Variants in ABR observed in about 807,000 individuals in gnomAD.
ABR encodes ABR activator of RhoGEF and GTPase, also known as active breakpoint cluster region-related protein.
ABR carries 35 observed loss-of-function variants against 107.2 expected under a neutral mutation model. That is an observed-to-expected ratio of 0.33 (90% confidence interval 0.25 to 0.43). ABR has a LOEUF of 0.43. Among genes scored for constraint, ABR ranks in the 20% least tolerant of loss-of-function variants. The pLI, the probability that ABR is intolerant of heterozygous loss-of-function variation, is 1.00. For synonymous variants in ABR, 498 were observed against 462.0 expected (o/e 1.08, Z -1.00); for missense variants, 815 against 1,115.2 (o/e 0.73, Z 3.83).
chr17:1,072,694 G>T lies in ABR; in HGVS notation c.814C>A (p.Arg272Ser), dbSNP rs1296203288. 6.2e-7 allele frequency: 1 copy of T among 1,613,724 alleles called. No homozygotes were observed. Among genetic ancestry groups the T allele is most frequent in the Non-Finnish European group, 8.5e-7 (1 of 1,179,856 alleles). ...PDYPLLQDAL[R>S]ISQNFLSSIN... ...CTGGACAGGAAGTTCTGGGAGATGC[G>T]GAGGGCATCCTGCAGCAGCGGGTAG... is the stretch of plus-strand genomic sequence containing the variant. Residue 272 changes from arginine (R) to serine (S), a missense_variant, in exon 8 of 23, where the codon CGC becomes AGC. By Grantham distance (110) the Arg-to-Ser change is moderately radical. Transcript: ENST00000302538.
intron 10 of ABR, among the ~76,000 whole-genome samples, chr17:1,059,730 T>C (rs560024346): frequency 6.6e-6 from 1 of 152,362 alleles, no homozygotes; most frequent in East Asian, 1.9e-4. Context: ...ACCACCATTA[T>C]GCTTCAAGTC....
At chr17:1,152,702 T>G (rs1214351435) in intron 1 of ABR, among the ~76,000 whole-genome samples, 1 of 151,972 alleles carries the variant, frequency 6.6e-6, no homozygotes, top group Non-Finnish European at 1.5e-5. Context: ...AGGCAAAAGA[T>G]GAGAGAGGAG....
Position 1,012,002 on chromosome 17 carries a change from G to C in ABR, c.1962-17C>G, listed in dbSNP as rs2070602289. ...CGCTCCCGCCTGGGGTGGAGCGTGA[G>C]GATGGGTGGAGGGCAGCCCCCACGA... On this transcript the variant is annotated splice_polypyrimidine_tract_variant and intron_variant, in intron 18 of 22. Transcript: ENST00000302538. 2 of 1,611,174 alleles carry C rather than the reference G, an allele frequency of 1.2e-6. No homozygotes were observed. The highest frequency in any genetic ancestry group is 1.7e-6 in the Non-Finnish European group (2 of 1,178,116).
At chr17:1,156,970 A>G (rs942498280) in intron 1 of ABR, among the ~76,000 whole-genome samples, 1 of 152,238 alleles carries the variant, frequency 6.6e-6, no homozygotes, top group Non-Finnish European at 1.5e-5. Context: ...CCAGCAAAGA[A>G]TTAGATCAAT....
chr17:1,203,905 C>A (rs2042736940), intron 1 of ABR, among the ~76,000 whole-genome samples: 1 of 152,202 alleles, frequency 6.6e-6, no homozygotes, highest in South Asian at 2.1e-4. Context: ...AGCTCCAGCT[C>A]CTCATCTGGA....
chr17:1,222,940 A>G (rs926983790), intron 1 of ABR, among the ~76,000 whole-genome samples: 5 of 125,918 alleles, frequency 4.0e-5, no homozygotes, highest in Non-Finnish European at 9.1e-5. Flanking sequence ...AGTGGCTTAC[A>G]CCTGTAATCC....
chr17:1,203,040 C>G (rs941772927), intron 1 of ABR, among the ~76,000 whole-genome samples: 4 of 152,094 alleles, frequency 2.6e-5, no homozygotes, highest in African/African-American at 9.7e-5. Flanking sequence ...GCATGCACCA[C>G]CACGCCTGGC....
intron 1 of ABR, among the ~76,000 whole-genome samples, chr17:1,166,771 G>A (rs913404140): frequency 3.9e-5 from 6 of 152,100 alleles, no homozygotes; most frequent in African/African-American, 1.4e-4. Context: ...AGGCCGAGGC[G>A]GGCGGATCAC....
rs940566549 is a variant in ABR at position 1,011,817 on chromosome 17, C to T, written c.2101+29G>A. 3 of 1,551,932 alleles carry T rather than the reference C, an allele frequency of 1.9e-6. No individual in the cohort carries two copies. Among genetic ancestry groups the T allele is most frequent in the Admixed American group, 3.6e-5 (2 of 56,196 alleles). On this transcript the variant is annotated intron_variant, in intron 19 of 22. Coordinates refer to ENST00000302538, the MANE Select transcript of ABR (RefSeq NM_021962.5). This position sits in a 1 kb window ranked among gnomAD's most constrained non-coding sequence, Gnocchi z 4.8. The stretch of plus-strand genomic sequence containing the variant: ...ACCAGCCTGCTCAGACACAGCCACA[C>T]CTGCCCCGGCTGGGCCTCCCAGACT...
In ABR at chr17:1,210,019, T is replaced by G. The variant is rs2150737952; in HGVS notation, c.838+18774A>C. Among the ~76,000 whole-genome samples, 1 of 152,120 alleles carries G rather than the reference T, an allele frequency of 6.6e-6. No individual in the cohort carries two copies. The highest frequency in any genetic ancestry group is 6.5e-5 in the Admixed American group (1 of 15,272). Reference sequence around the variant, plus strand: ...CATATGCCAAAGTGCCTTCAGAACCTCCAACAAATTAAAAAAAGAAAACAC... The same window carrying G: ...CATATGCCAAAGTGCCTTCAGAACCGCCAACAAATTAAAAAAAGAAAACAC... On this transcript the variant is annotated intron_variant, in intron 1 of 22. Transcript: ENST00000574139. This position sits in a 1 kb window ranked among gnomAD's most constrained non-coding sequence, Gnocchi z 5.6.
intron 4 of ABR, among the ~76,000 whole-genome samples, chr17:1,085,214 G>A (rs1161804967): frequency 6.8e-6 from 1 of 147,586 alleles, no homozygotes; most frequent in Non-Finnish European, 1.5e-5. Flanking sequence ...CCAGGTTCGC[G>A]CCATTCTCCT....
chr17:1,135,410 CTT>C (rs2040019439), intron 1 of ABR, among the ~76,000 whole-genome samples: 2 of 131,626 alleles, frequency 1.5e-5, no homozygotes, highest in African/African-American at 5.7e-5. Context: ...GAGTTTCACT[CTT>C]GTTGCCCAGG....
chr17:1,107,896 T>C (rs140865208), intron 2 of ABR, among the ~76,000 whole-genome samples: 1 of 152,330 alleles, frequency 6.6e-6, no homozygotes, highest in Non-Finnish European at 1.5e-5. Flanking sequence ...GCATCTATTT[T>C]TACCTCCATT....
At chr17:1,069,919 G>T in intron 9 of ABR, 50 bp downstream of exon 9, 1 of 815,050 alleles carries the variant, frequency 1.2e-6, no homozygotes, top group Non-Finnish European at 1.6e-6. Context: ...TCACCCCGCA[G>T]AGGTCCGGAC....
At chr17:1,053,748 G>C (rs1343765442) in intron 14 of ABR, among the ~76,000 whole-genome samples, 1 of 152,158 alleles carries the variant, frequency 6.6e-6, no homozygotes, top group Non-Finnish European at 1.5e-5. Flanking sequence ...CACCCGCCCA[G>C]GCTGGGAGGC....
At position 1,070,221 on chromosome 17, in the gene ABR, A is replaced by C; in HGVS notation, c.895-131T>G. On this transcript the variant is annotated intron_variant, in intron 8 of 22. Coordinates refer to ENST00000302538, the MANE Select transcript of ABR (RefSeq NM_021962.5). This position sits in a 1 kb window ranked among gnomAD's most constrained non-coding sequence, Gnocchi z 4.2. ...GGCATAGCCTGTCATCCCTTAACCA[A>C]AGGTGGTTCAAGCACTGCCTTTGGA... 6 of 1,212,010 alleles carry C rather than the reference A, an allele frequency of 5.0e-6. No individual in the cohort carries two copies. The highest frequency in any genetic ancestry group is 5.7e-6 in the Non-Finnish European group (5 of 873,520). The allele number at this position is 1,212,010 out of a possible 1,614,324, so 75.1% of individuals were successfully genotyped here. A position where few individuals can be genotyped will look rare whatever the true frequency, so the allele number is the denominator to read the frequency against.
intron 1 of ABR, among the ~76,000 whole-genome samples, chr17:1,138,305 C>T (rs1567814661): frequency 6.6e-6 from 1 of 151,922 alleles, no homozygotes; most frequent in South Asian, 2.1e-4. Flanking sequence ...GGGTGGACGA[C>T]GGGGACAGGG....
chr17:1,117,198 G>A (rs2039041291), intron 2 of ABR, among the ~76,000 whole-genome samples: 1 of 20,930 alleles, frequency 4.8e-5, no homozygotes, highest in Admixed American at 4.6e-4. Flanking sequence ...CCCTGAGCCT[G>A]AGTTCCTCCC....
chr17:1,226,519 A>G (rs1342289402), intron 1 of ABR, among the ~76,000 whole-genome samples: 1 of 149,602 alleles, frequency 6.7e-6, no homozygotes, highest in Non-Finnish European at 1.5e-5. Flanking sequence ...GTGTGCATGC[A>G]TGTATGTGAC....
Sources: allele counts gnomAD v4.1 joint callset (sites outside exome capture counted in the v4.1 genomes callset), GRCh38; gene constraint gnomAD v4.1.1; non-coding constraint Gnocchi (gnomAD v3.1); transcripts MANE v1.5; gene names NCBI Gene and HGNC (gene_info 2026-07-23, HGNC 2026-07-21).